RGS17: variants seen among roughly 807,000 people sequenced by gnomAD.
RGS17 encodes the protein regulator of G-protein signaling 17.
Under a neutral mutation model 25.5 loss-of-function variants are expected in RGS17, and 12 were observed. That is an observed-to-expected ratio of 0.47 (90% CI 0.30 to 0.76). The LOEUF (loss-of-function observed/expected upper bound fraction) is 0.76, where lower values mean the gene tolerates loss of function less well. Ranked by LOEUF, RGS17 falls within the 30% of genes least tolerant of loss-of-function variation. RGS17 has a pLI of 0.07. For missense variants in RGS17, 196 were observed against 242.2 expected, an observed-to-expected ratio of 0.81 and a Z score of 1.27; for synonymous variants, 71 against 76.9, an observed-to-expected ratio of 0.92 and a Z score of 0.40.
chr6:153,096,635 A>G (rs12209964), intron 1 of RGS17, among the ~76,000 whole-genome samples: 445 of 152,354 alleles, frequency 2.9e-3, no homozygotes, highest in Non-Finnish European at 5.3e-3. Flanking sequence ...TCGTTGCCAC[A>G]TAAGTAAAAA....
At chr6:153,097,662 A>AGTGAATG (rs1461937755) in intron 1 of RGS17, among the ~76,000 whole-genome samples, 2 of 151,954 alleles carry the variant, frequency 1.3e-5, no homozygotes, top group African/African-American at 4.8e-5. Flanking sequence ...ATGACATGGG[A>AGTGAATG]GTGAATGTCT....
In RGS17 at chr6:153,005,597, A is replaced by G. The variant is rs1779066788; in HGVS notation, c.*5977T>C. 1 of 152,206 alleles carries G rather than the reference A, an allele frequency of 6.6e-6. No homozygotes were observed. Among genetic ancestry groups the G allele is most frequent in the Non-Finnish European group, 1.5e-5 (1 of 68,044 alleles). The allele number at this position is 152,206 out of a possible 1,614,324, so 9.4% of individuals were successfully genotyped here. A position where few individuals can be genotyped will look rare whatever the true frequency, so the allele number is the denominator to read the frequency against. On this transcript the variant is annotated 3_prime_UTR_variant, in exon 5 of 5. Coordinates refer to ENST00000206262, the MANE Select transcript of RGS17 (RefSeq NM_012419.5). The stretch of plus-strand genomic sequence containing the variant: ...CCCGGTGATGGCATATACCTTTGAT[A>G]CCATGTGATGAGCATGGCACTTTAC...
At chr6:153,035,777 A>C (rs1776232219) in intron 2 of RGS17, among the ~76,000 whole-genome samples, 1 of 152,192 alleles carries the variant, frequency 6.6e-6, no homozygotes, top group African/African-American at 2.4e-5. Flanking sequence ...CTCTCAAAGC[A>C]AACCTTCACC....
At chr6:153,036,323 G>T (rs1228426346) in intron 2 of RGS17, among the ~76,000 whole-genome samples, 1 of 152,172 alleles carries the variant, frequency 6.6e-6, no homozygotes, top group Non-Finnish European at 1.5e-5. Context: ...AAAGTGCTAG[G>T]ATTACAGTTG....
chr6:153,114,666 C>A (rs146291514), intron 1 of RGS17, among the ~76,000 whole-genome samples: 1 of 152,046 alleles, frequency 6.6e-6, no homozygotes, highest in African/African-American at 2.4e-5. Flanking sequence ...TGAACATCGA[C>A]GCGAAAATCC....
chr6:153,051,549 C>A (rs1415891), intron 1 of RGS17, among the ~76,000 whole-genome samples: 58,243 of 151,658 alleles, frequency 0.38, 11,820 homozygotes, highest in East Asian at 0.62. Flanking sequence ...ATTAAGCGGC[C>A]AACAACTTGG....
chr6:153,020,111 A>AAAATATATAT (rs1426592195), intron 4 of RGS17, among the ~76,000 whole-genome samples: 30 of 58,438 alleles, frequency 5.1e-4, no homozygotes, highest in East Asian at 8.8e-4. Flanking sequence ...AAAAAAAAAA[A>AAAATATATAT]ATATATATAT....
At chr6:153,021,127 T>C (rs974461146) in intron 4 of RGS17, among the ~76,000 whole-genome samples, 1 of 152,244 alleles carries the variant, frequency 6.6e-6, no homozygotes, top group African/African-American at 2.4e-5. Context: ...TATTGTTATT[T>C]TTGTAAACAA....
chr6:153,023,344 A>G, intron 4 of RGS17: 1 of 507,508 alleles, frequency 2.0e-6, no homozygotes, highest in Admixed American at 2.0e-5. Context: ...GAGAAACAAA[A>G]AAGACAAAAA....
chr6:153,019,973 T>C (rs1779222814), intron 4 of RGS17, among the ~76,000 whole-genome samples: 1 of 151,248 alleles, frequency 6.6e-6, no homozygotes, highest in Non-Finnish European at 1.5e-5. Context: ...GACATCACTT[T>C]TAAAAAATTT....
At chr6:153,065,174 T>A (rs1187186177) in intron 1 of RGS17, among the ~76,000 whole-genome samples, 3 of 152,116 alleles carry the variant, frequency 2.0e-5, no homozygotes, top group South Asian at 4.2e-4. Context: ...TCAAAATGAA[T>A]CTCAATACAA....
At position 153,010,883 on chromosome 6, in the gene RGS17, C is replaced by CTTTTTT. The variant is rs367841076; in HGVS notation, c.*685_*690dup. 30 of 137,978 alleles carry CTTTTTT rather than the reference C, an allele frequency of 2.2e-4. No individual in the cohort carries two copies. The highest frequency in any genetic ancestry group is 3.4e-4 in the African/African-American group (13 of 37,996). The allele number at this position is 137,978 out of a possible 1,614,324, so 8.5% of individuals were successfully genotyped here. ...TGTTTTGTGCTTTTTTCCTTCTTCC[C>CTTTTTT]TTTTTTTTTTTTTTTGTTTTTTGCT... is the stretch of plus-strand genomic sequence containing the variant. On this transcript the variant is annotated 3_prime_UTR_variant, in exon 5 of 5. Transcript: ENST00000206262.
chr6:153,089,724 A>T (rs1368994202), intron 1 of RGS17, among the ~76,000 whole-genome samples: 3 of 152,158 alleles, frequency 2.0e-5, no homozygotes, highest in Non-Finnish European at 4.4e-5. Context: ...TAAATCTGGT[A>T]ATAGTTTAAC....
chr6:153,084,064 T>G (rs7453812), intron 1 of RGS17, among the ~76,000 whole-genome samples: 147,971 of 152,302 alleles, frequency 0.97, 71,895 homozygotes, highest in East Asian at 1. Flanking sequence ...TGAATGACTA[T>G]TTCCTTTATT....
At chr6:153,040,059 T>C (rs996528216) in intron 2 of RGS17, among the ~76,000 whole-genome samples, 3 of 36,946 alleles carry the variant, frequency 8.1e-5, no homozygotes, top group African/African-American at 5.3e-4. Flanking sequence ...TCTTGCATGT[T>C]TATAGAGTGT....
chr6:153,083,526 G>A (rs1777011481), intron 1 of RGS17, among the ~76,000 whole-genome samples: 1 of 152,284 alleles, frequency 6.6e-6, no homozygotes, highest in East Asian at 1.9e-4. Flanking sequence ...TGGCAGAGTG[G>A]TAAGTCTGTT....
At chr6:153,015,699 G>C (rs921325853) in intron 4 of RGS17, among the ~76,000 whole-genome samples, 2 of 151,442 alleles carry the variant, frequency 1.3e-5, no homozygotes, top group Non-Finnish European at 2.9e-5. Flanking sequence ...TGTCGCCCAG[G>C]CTGGAGTGCA....
intron 2 of RGS17, among the ~76,000 whole-genome samples, chr6:153,036,318 G>C (rs140364229): frequency 1.3e-3 from 193 of 152,276 alleles, no homozygotes; most frequent in Non-Finnish European, 1.9e-3. Context: ...CTCCCAAAGT[G>C]CTAGGATTAC....
intron 3 of RGS17, among the ~76,000 whole-genome samples, chr6:153,026,103 TTG>T (rs1366146225): frequency 6.6e-6 from 1 of 152,092 alleles, no homozygotes; most frequent in Non-Finnish European, 1.5e-5. Flanking sequence ...TCCATATCAT[TTG>T]TGTGTGTGTT....
Sources: allele counts gnomAD v4.1 joint callset (sites outside exome capture counted in the v4.1 genomes callset), GRCh38; gene constraint gnomAD v4.1.1; transcripts MANE v1.5; gene names NCBI Gene and HGNC (gene_info 2026-07-23, HGNC 2026-07-21).